ZNF827: variants seen among roughly 807,000 people sequenced by gnomAD.
The protein encoded by ZNF827 is zinc finger protein 827.
A neutral mutation model predicts 102.4 loss-of-function variants in ZNF827; 13 were observed. The observed-to-expected ratio is 0.13, with a 90% CI of 0.08 to 0.20. The LOEUF (loss-of-function observed/expected upper bound fraction) is 0.20. Among genes scored for constraint, ZNF827 ranks in the 10% least tolerant of loss-of-function variants. The pLI is 1.00. For synonymous variants in ZNF827, 523 were observed against 536.2 expected (o/e 0.98, Z 0.34); for missense variants, 1,103 against 1,344.4 (o/e 0.82, Z 2.81).
intron 5 of ZNF827, among the ~76,000 whole-genome samples, chr4:145,868,968 C>CA (rs1324841085): frequency 1.3e-5 from 2 of 152,212 alleles, no homozygotes; most frequent in Admixed American, 1.3e-4. Context: ...TTCAAATATA[C>CA]AAAAAATGTG....
At chr4:145,885,651 A>G (rs1369573762) in intron 4 of ZNF827, 27 bp downstream of exon 4, 12 of 1,458,606 alleles carry the variant, frequency 8.2e-6, no homozygotes, top group Non-Finnish European at 9.1e-6. Context: ...AGAGAGAGAG[A>G]GAGAGAATAC....
At chr4:145,835,729 C>T (rs1010206248) in intron 7 of ZNF827, among the ~76,000 whole-genome samples, 43 of 118,934 alleles carry the variant, frequency 3.6e-4, no homozygotes, top group African/African-American at 1.1e-3. Context: ...CCCCACTCAA[C>T]GCCAGTATCC....
intron 8 of ZNF827, among the ~76,000 whole-genome samples, chr4:145,782,114 G>A (rs1738151388): frequency 6.6e-6 from 1 of 152,276 alleles, no homozygotes; most frequent in East Asian, 1.9e-4. Context: ...ACAGTCCCAC[G>A]CCCAACTCCA....
intron 8 of ZNF827, among the ~76,000 whole-genome samples, chr4:145,811,908 A>G (rs939700122): frequency 2.0e-5 from 3 of 151,718 alleles, no homozygotes; most frequent in African/African-American, 7.2e-5. Context: ...TTCTACTTGA[A>G]CTAACTCCAA....
chr4:145,796,196 C>G (rs1740360776), intron 8 of ZNF827, among the ~76,000 whole-genome samples: 1 of 152,184 alleles, frequency 6.6e-6, no homozygotes. Flanking sequence ...TACTTTATTT[C>G]CCCATTTCGA....
intron 8 of ZNF827, among the ~76,000 whole-genome samples, chr4:145,813,043 C>A (rs780872531): frequency 6.6e-6 from 1 of 152,168 alleles, no homozygotes; most frequent in Non-Finnish European, 1.5e-5. Context: ...CTACCTGGGA[C>A]GTGAGTCACC....
intron 1 of ZNF827, among the ~76,000 whole-genome samples, chr4:145,934,322 T>C (rs1439485214): frequency 1.3e-5 from 2 of 152,226 alleles, no homozygotes; most frequent in Non-Finnish European, 2.9e-5. Context: ...TCTGTATATG[T>C]ATAAGGCCCA....
chr4:145,923,404 A>C (rs1373987264), intron 1 of ZNF827, among the ~76,000 whole-genome samples: 1 of 151,716 alleles, frequency 6.6e-6, no homozygotes, highest in East Asian at 1.9e-4. Context: ...CAGGAGTTTG[A>C]GACCAGCCTG....
At chr4:145,769,240 A>T (rs1178962582) in intron 11 of ZNF827, among the ~76,000 whole-genome samples, 1 of 150,494 alleles carries the variant, frequency 6.6e-6, no homozygotes, top group African/African-American at 2.5e-5. Context: ...ATGACTTTAG[A>T]CTACAGACTT....
At chr4:145,937,712 G>GCCT (rs1172303564) in intron 1 of ZNF827, among the ~76,000 whole-genome samples, 4 of 82,072 alleles carry the variant, frequency 4.9e-5, no homozygotes, top group African/African-American at 1.8e-4. Flanking sequence ...CTCCGCCGCC[G>GCCT]CCTCCTCCAC....
rs1751528542 is a variant in ZNF827, at chr4:145,902,778, G to A, written c.481C>T (p.His161Tyr). The change falls in exon 2 of 15, where the codon CAC becomes TAC. Residue 161 changes from histidine to tyrosine, a missense_variant. Transcript: ENST00000508784. The surrounding 1 kb of genome is among the most constrained non-coding windows in gnomAD (Gnocchi z 4.3). ...AGAACACTGAGCTGCTGGGCGTGGTGGGAAGGCGGGGAAAAGGAGAGGTTC... is the reference window on the plus strand; with the variant it reads ...AGAACACTGAGCTGCTGGGCGTGGTAGGAAGGCGGGGAAAAGGAGAGGTTC... ...GSNLSFSPPS[H>Y]HAQQLSVLAR... 6.2e-7 allele frequency: 1 copy of A among 1,613,954 alleles called. No individual in the cohort carries two copies. The highest frequency in any genetic ancestry group is 8.5e-7 in the Non-Finnish European group (1 of 1,180,032).
intron 1 of ZNF827, among the ~76,000 whole-genome samples, chr4:145,928,603 TC>T (rs1453000988): frequency 6.6e-6 from 1 of 152,180 alleles, no homozygotes; most frequent in East Asian, 1.9e-4. Flanking sequence ...TACAATGGTC[TC>T]CCACTTCACA....
chr4:145,814,530 G>A (rs914752077), intron 8 of ZNF827, among the ~76,000 whole-genome samples: 10 of 152,108 alleles, frequency 6.6e-5, no homozygotes, highest in African/African-American at 2.2e-4. Flanking sequence ...TGGCCACATT[G>A]GTAACCTGTT....
At chr4:145,851,295 TAGAC>T (rs1283911607) in intron 5 of ZNF827, among the ~76,000 whole-genome samples, 10 of 124,104 alleles carry the variant, frequency 8.1e-5, no homozygotes, top group African/African-American at 1.8e-4. Flanking sequence ...GATAGATAGA[TAGAC>T]AGACAGACAG....
chr4:145,900,413 CT>C (rs1035112797), intron 2 of ZNF827, among the ~76,000 whole-genome samples: 21 of 151,650 alleles, frequency 1.4e-4, no homozygotes, highest in African/African-American at 4.6e-4. Flanking sequence ...TTATTATTTT[CT>C]TTTTTTTATT....
intron 1 of ZNF827, among the ~76,000 whole-genome samples, chr4:145,927,164 A>G (rs1469241900): frequency 6.6e-6 from 1 of 152,174 alleles, no homozygotes; most frequent in African/African-American, 2.4e-5. Context: ...TGTTGGGTTA[A>G]CAAGTACGGC....
intron 1 of ZNF827, among the ~76,000 whole-genome samples, chr4:145,918,656 A>G (rs1752856904): frequency 6.6e-6 from 1 of 152,142 alleles, no homozygotes. Context: ...TGGTTTCCAA[A>G]CCACACATAG....
intron 8 of ZNF827, among the ~76,000 whole-genome samples, chr4:145,791,247 C>G (rs1739638659): frequency 6.6e-6 from 1 of 152,204 alleles, no homozygotes; most frequent in African/African-American, 2.4e-5. Flanking sequence ...ATCTTTCTCA[C>G]TCCACCCTCA....
rs543571146 is a variant in ZNF827 at position 145,935,688 on chromosome 4, G to C, written c.43+2677C>G. Among the ~76,000 whole-genome samples the C allele has an allele frequency of 3.3e-5, 5 of 152,276 alleles. No individual in the cohort carries two copies. In the South Asian group the frequency reaches 1.0e-3, roughly 32 times the overall value. On this transcript the variant is annotated intron_variant, in intron 1 of 14. Transcript: ENST00000508784. ...TATTTTTTTAAGTGAGTGGCTAACA[G>C]GATTCAATCAGACAGCAAAGTAGGA...
Sources: allele counts gnomAD v4.1 joint callset (sites outside exome capture counted in the v4.1 genomes callset), GRCh38; gene constraint gnomAD v4.1.1; non-coding constraint Gnocchi (gnomAD v3.1); transcripts MANE v1.5; gene names NCBI Gene and HGNC (gene_info 2026-07-23, HGNC 2026-07-21).